PCBP4: variants seen among roughly 807,000 people sequenced by gnomAD.
PCBP4 encodes the protein poly(rC) binding protein 4, also known as poly(rC)-binding protein 4.
Under a neutral mutation model 46.2 loss-of-function variants are expected in PCBP4, and 24 were observed. That is an observed-to-expected ratio of 0.52 (90% CI 0.38 to 0.73). PCBP4 has a LOEUF of 0.73. Among genes scored for constraint, PCBP4 ranks in the 30% least tolerant of loss-of-function variants. PCBP4 has a pLI of 0.00. For missense variants in PCBP4, 407 were observed against 537.0 expected, an observed-to-expected ratio of 0.76 and a Z score of 2.39; for synonymous variants, 203 against 224.4, an observed-to-expected ratio of 0.90 and a Z score of 0.85.
Position 51,957,962 on chromosome 3 carries a change from C to G in PCBP4, c.*99G>C. On this transcript the variant is annotated 3_prime_UTR_variant, in exon 14 of 14. Transcript: ENST00000461554. ...CATCCATGCGTCTGGGCGTTAGCGG[C>G]GTTTGGGACCCCAGGGTGGAGTCTC... 8.7e-7 allele frequency: 1 copy of G among 1,147,124 alleles called. No individual in the cohort carries two copies. The highest frequency in any genetic ancestry group is 1.2e-6 in the Non-Finnish European group (1 of 814,406). The allele number at this position is 1,147,124 out of a possible 1,614,324, so 71.1% of individuals were successfully genotyped here.
Position 51,960,965 on chromosome 3 carries a change from A to G in PCBP4, c.105+45T>C. 6.2e-7 allele frequency: 1 copy of G among 1,614,176 alleles called. No homozygotes were observed. Among genetic ancestry groups the G allele is most frequent in the Non-Finnish European group, 8.5e-7 (1 of 1,179,974 alleles). On this transcript the variant is annotated intron_variant, in intron 4 of 13. Coordinates refer to ENST00000461554, the MANE Select transcript of PCBP4 (RefSeq NM_001174100.2). The surrounding 1 kb of genome is among the most constrained non-coding windows in gnomAD (Gnocchi z 5.0). ...GTCACAGCCTCCTTCCCTGGGCTGA[A>G]GCCTCAGCTGGAGGGGGATGTACAG...
In PCBP4 at chr3:51,960,013, G is replaced by A. The variant is rs1451645168; in HGVS notation, c.398C>T (p.Ala133Val). 1.9e-6 allele frequency: 3 copies of A among 1,614,226 alleles called. No individual in the cohort carries two copies. In the South Asian group the frequency reaches 3.3e-5, roughly 18 times the overall value. The change falls in exon 8 of 14, where the codon GCC becomes GTC. Residue 133 changes from alanine to valine, a missense_variant. Transcript: ENST00000461554. The surrounding 1 kb of genome is among the most constrained non-coding windows in gnomAD (Gnocchi z 5.0). ...CAGGTCCCCTGCCACCTGTACCTGG[G>A]CACCCGTAGTCTGCAAACAGAGAAC... ...KIKEIRETTG[A>V]QVQVAGDLLP...
In PCBP4 at chr3:51,959,902, A is replaced by G. The variant is rs1440453805; in HGVS notation, c.509T>C (p.Ile170Thr). Residue 170 changes from isoleucine (I) to threonine (T), a missense_variant, in exon 8 of 14, where the codon ATC (isoleucine) becomes ACC (threonine). Physicochemically the swap from Ile to Thr is moderately conservative, Grantham distance 89. Transcript: ENST00000461554. This position sits in a 1 kb window ranked among gnomAD's most constrained non-coding sequence, Gnocchi z 5.6. ...ILCVRQICAV[I>T]LESPPKGATI... ...CCTGCCCCAGGGCAGCACCTCCAGGATAACAGCGCAGATCTGGCGCACACA... is the reference window on the plus strand; with the variant it reads ...CCTGCCCCAGGGCAGCACCTCCAGGGTAACAGCGCAGATCTGGCGCACACA... The G allele has an allele frequency of 1.3e-6, 2 of 1,588,014 alleles. No individual in the cohort carries two copies. Among genetic ancestry groups the G allele is most frequent in the South Asian group, 2.3e-5 (2 of 86,716 alleles).
Position 51,958,873 on chromosome 3 carries a change from T to C in PCBP4, c.840A>G (p.Gln280=). 6.2e-7 allele frequency: 1 copy of C among 1,613,950 alleles called. No individual in the cohort carries two copies. The highest frequency in any genetic ancestry group is 8.5e-7 in the Non-Finnish European group (1 of 1,179,946). ...CATGCCGCTCCCCAGCGCCCTCTGC[T>C]TGGTTCCCGATCTTGATATGTGCCC... ...MSGAHIKIGN[Q]AEGAGERHVT... is the part of the protein sequence containing the mutation. The change falls in exon 13 of 14, where the codon CAA becomes CAG. Residue 280 remains glutamine, a synonymous_variant. Transcript: ENST00000461554. The surrounding 1 kb of genome is among the most constrained non-coding windows in gnomAD (Gnocchi z 5.4).
intron 2 of PCBP4, chr3:51,961,737 CT>C: frequency 2.0e-6 from 2 of 993,568 alleles, no homozygotes; most frequent in South Asian, 4.5e-5. Flanking sequence ...GGAGTTCAGG[CT>C]GAAAGCTTAC....
intron 1 of PCBP4, among the ~76,000 whole-genome samples, chr3:51,962,513 G>A (rs1414008028): frequency 2.0e-5 from 3 of 152,224 alleles, no homozygotes; most frequent in African/African-American, 7.2e-5. Context: ...CTGGTGCTAA[G>A]TCTGGGCCAA....
Position 51,959,015 on chromosome 3 carries a change from C to T in PCBP4, c.753+32G>A, listed in dbSNP as rs1275736150. On this transcript the variant is annotated intron_variant, in intron 12 of 13. Coordinates refer to ENST00000461554, the MANE Select transcript of PCBP4 (RefSeq NM_001174100.2). This position sits in a 1 kb window ranked among gnomAD's most constrained non-coding sequence, Gnocchi z 5.6. ...GAGGTCCAGACCCCCAGACCCCCTA[C>T]CCACCCTCCAGCCATCCCATCCCCT... The T allele has an allele frequency of 6.2e-7, 1 of 1,612,988 alleles. No homozygotes were observed. The highest frequency in any genetic ancestry group is 1.3e-5 in the African/African-American group (1 of 74,884).
chr3:51,959,371 G>T lies in PCBP4; in HGVS notation c.632C>A (p.Ala211Asp). 1 of 1,613,054 alleles carries T rather than the reference G, an allele frequency of 6.2e-7. No homozygotes were observed. Among genetic ancestry groups the T allele is most frequent in the Non-Finnish European group, 8.5e-7 (1 of 1,179,418 alleles). Reference sequence around the variant, plus strand: ...CTTGGGCTATGGGTCACTCACCTCAGCTGGGGTCACAGCCCCATACTGACC... The same window carrying T: ...CTTGGGCTATGGGTCACTCACCTCATCTGGGGTCACAGCCCCATACTGACC... ...VQGQYGAVTP[A>D]EVTKLQQLSS... The change falls in exon 10 of 14, where the codon GCT (alanine) becomes GAT (aspartate). Residue 211 changes from alanine (A) to aspartate (D), a missense_variant. Coordinates refer to ENST00000461554, the MANE Select transcript of PCBP4 (RefSeq NM_001174100.2). This position sits in a 1 kb window ranked among gnomAD's most constrained non-coding sequence, Gnocchi z 5.6.
At position 51,958,425 on chromosome 3, in the gene PCBP4, A is replaced by G. The variant is rs1278775195; in HGVS notation, c.924-76T>C. 1.0e-6 allele frequency: 1 copy of G among 977,662 alleles called. No homozygotes were observed. Among genetic ancestry groups the G allele is most frequent in the Non-Finnish European group, 1.5e-6 (1 of 689,340 alleles). 60.6% of individuals were successfully genotyped at this position (977,662 alleles called of 1,614,324 possible). A position where few individuals can be genotyped will look rare whatever the true frequency, so the allele number is the denominator to read the frequency against. On this transcript the variant is annotated intron_variant, in intron 13 of 13. Transcript: ENST00000461554. The surrounding 1 kb of genome is among the most constrained non-coding windows in gnomAD (Gnocchi z 5.4). Reference sequence around the variant, plus strand: ...AGGGGCAATGAGGGCAGAGATGGGCATGAGATTAGATGAAAGGCAAGAGAG... The same window carrying G: ...AGGGGCAATGAGGGCAGAGATGGGCGTGAGATTAGATGAAAGGCAAGAGAG...
chr3:51,959,254 G>A lies in PCBP4; in HGVS notation c.675C>T (p.Pro225=), dbSNP rs377645595. The change falls in exon 11 of 14, where the codon CCC becomes CCT. Residue 225 remains proline (P), a synonymous_variant. Transcript: ENST00000461554. This position sits in a 1 kb window ranked among gnomAD's most constrained non-coding sequence, Gnocchi z 5.6. ...KLQQLSSHAV[P]FATPSVVPGL... ...CTGGCACCACGCTGGGTGTGGCAAAGGGGACCGCATGGCTTGAGAGCTGCT... is the reference window on the plus strand; with the variant it reads ...CTGGCACCACGCTGGGTGTGGCAAAAGGGACCGCATGGCTTGAGAGCTGCT... 3.7e-6 allele frequency: 6 copies of A among 1,613,890 alleles called. No homozygotes were observed. The African/African-American group carries it at 6.7e-5, about 18-fold the overall frequency.
intron 2 of PCBP4, chr3:51,961,636 T>G: frequency 1.1e-5 from 5 of 440,604 alleles, no homozygotes; most frequent in Non-Finnish European, 1.6e-5. Context: ...CTAAAAGAAA[T>G]AATTAACTAG....
Position 51,959,215 on chromosome 3 carries a change from C to G in PCBP4, c.700+14G>C, listed in dbSNP as rs151276928. On this transcript the variant is annotated intron_variant, in intron 11 of 13. Coordinates refer to ENST00000461554, the MANE Select transcript of PCBP4 (RefSeq NM_001174100.2). This position sits in a 1 kb window ranked among gnomAD's most constrained non-coding sequence, Gnocchi z 5.6. ...AGGACCCTCCCCCTGCCTCCTTGTGCAGGGGTGGCTTACCTGGCACCACGC... is the reference window on the plus strand; with the variant it reads ...AGGACCCTCCCCCTGCCTCCTTGTGGAGGGGTGGCTTACCTGGCACCACGC... The G allele has an allele frequency of 0.011, 18,272 of 1,613,824 alleles. 122 individuals are homozygous for G. Among genetic ancestry groups the G allele is most frequent in the Non-Finnish European group, 0.014 (16,119 of 1,179,852 alleles).
intron 1 of PCBP4, among the ~76,000 whole-genome samples, chr3:51,964,254 C>T (rs575372619): frequency 1.3e-5 from 2 of 152,206 alleles, no homozygotes; most frequent in African/African-American, 2.4e-5. Flanking sequence ...GCCCCTCCCC[C>T]CCAGCTGTCT....
chr3:51,960,237 A>G lies in PCBP4; in HGVS notation c.339T>C (p.Cys113=). 1 of 1,614,136 alleles carries G rather than the reference A, an allele frequency of 6.2e-7. No individual in the cohort carries two copies. Among genetic ancestry groups the G allele is most frequent in the Non-Finnish European group, 8.5e-7 (1 of 1,180,010 alleles). Residue 113 remains cysteine, a synonymous_variant, in exon 7 of 14, where the codon TGT becomes TGC. Transcript: ENST00000461554. This position sits in a 1 kb window ranked among gnomAD's most constrained non-coding sequence, Gnocchi z 5.0. The part of the protein sequence containing the change: ...TLRLVIPASQ[C]GSLIGKAGTK... ...TGCCAGCCTTCCCAATCAGTGAGCC[A>G]CACTGACTGGCAGGGATGACAAGGC...
chr3:51,959,292 C>T lies in PCBP4; in HGVS notation c.637G>A (p.Val213Ile). 1.2e-6 allele frequency: 2 copies of T among 1,613,966 alleles called. No individual in the cohort carries two copies. Among genetic ancestry groups the T allele is most frequent in the Non-Finnish European group, 1.7e-6 (2 of 1,179,982 alleles). ...GQYGAVTPAE[V>I]TKLQQLSSHA... is the part of the protein sequence containing the mutation. ...CTTGAGAGCTGCTGGAGCTTGGTGA[C>T]CTGTGCCAAAGAGGGGTCAGAGGTC... is the stretch of plus-strand genomic sequence containing the variant. The change falls in exon 11 of 14, where the codon GTC (valine) becomes ATC (isoleucine). Residue 213 changes from valine (V) to isoleucine (I), a missense_variant and splice_region_variant. Physicochemically the swap from Val to Ile is conservative, Grantham distance 29. Coordinates refer to ENST00000461554, the MANE Select transcript of PCBP4 (RefSeq NM_001174100.2). This position sits in a 1 kb window ranked among gnomAD's most constrained non-coding sequence, Gnocchi z 5.6.
rs1396983816 is a variant in PCBP4, at chr3:51,959,069, T to C, written c.731A>G (p.Gln244Arg). 6.2e-7 allele frequency: 1 copy of C among 1,613,852 alleles called. No homozygotes were observed. The highest frequency in any genetic ancestry group is 8.5e-7 in the Non-Finnish European group (1 of 1,179,934). Residue 244 changes from glutamine to arginine, a missense_variant, in exon 12 of 14, where the codon CAG becomes CGG. Transcript: ENST00000461554. The surrounding 1 kb of genome is among the most constrained non-coding windows in gnomAD (Gnocchi z 5.6). ...GLDPGTQTSS[Q>R]EFLVPNDLIG... ...CACATCGTTGGGAACCAAGAACTCC[T>C]GTGAGCTGGTCTGTGTGCCGGGATC...
In PCBP4 at chr3:51,960,458, A is replaced by G; in HGVS notation, c.255+68T>C. ...ACCTCCCCTCCCACCCATAGCCACT[A>G]TCTGGAGTCAGAGTTGGGTTCCTCC... On this transcript the variant is annotated intron_variant, in intron 6 of 13. Coordinates refer to ENST00000461554, the MANE Select transcript of PCBP4 (RefSeq NM_001174100.2). This position sits in a 1 kb window ranked among gnomAD's most constrained non-coding sequence, Gnocchi z 5.0. 2 of 1,549,018 alleles carry G rather than the reference A, an allele frequency of 1.3e-6. No individual in the cohort carries two copies. The highest frequency in any genetic ancestry group is 1.7e-5 in the Admixed American group (1 of 59,870).
In PCBP4 at chr3:51,958,246, G is replaced by C; in HGVS notation, c.1027C>G (p.Pro343Ala). ...GCATAGGGTGTGCCCAGCAGGCCAG[G>C]GGGAGCTGTGGGCAGGGCCGTCAGG... ...PPLTALPTAPPGLLGTPYAIS... is the reference protein window; with the variant it reads ...PPLTALPTAPAGLLGTPYAIS... Residue 343 changes from proline (P) to alanine (A), a missense_variant, in exon 14 of 14, where the codon CCT becomes GCT. Physicochemically the swap from Pro to Ala is conservative, Grantham distance 27. Transcript: ENST00000461554. The surrounding 1 kb of genome is among the most constrained non-coding windows in gnomAD (Gnocchi z 5.4). The C allele has an allele frequency of 2.5e-6, 4 of 1,602,688 alleles. No individual in the cohort carries two copies. Among genetic ancestry groups the C allele is most frequent in the Non-Finnish European group, 3.4e-6 (4 of 1,175,082 alleles).
In PCBP4 at chr3:51,960,696, C is replaced by T. The variant is rs775505609; in HGVS notation, c.139-54G>A. The T allele has an allele frequency of 1.1e-5, 17 of 1,521,838 alleles. No homozygotes were observed. The highest frequency in any genetic ancestry group is 9.0e-5 in the East Asian group (4 of 44,426). 94.3% of individuals were successfully genotyped at this position (1,521,838 alleles called of 1,614,324 possible). A position where few individuals can be genotyped will look rare whatever the true frequency, so the allele number is the denominator to read the frequency against. ...CGGGGCATCTTCCCTGCTCCCTTGC[C>T]GGAACTTGTCTGCCTGCCCCACTCA... is the stretch of plus-strand genomic sequence containing the variant. On this transcript the variant is annotated intron_variant, in intron 5 of 13. Coordinates refer to ENST00000461554, the MANE Select transcript of PCBP4 (RefSeq NM_001174100.2). This position sits in a 1 kb window ranked among gnomAD's most constrained non-coding sequence, Gnocchi z 5.0.
Sources: gnomAD v4.1 joint callset for allele counts (sites outside exome capture counted in the v4.1 genomes callset) on GRCh38, gnomAD v4.1.1 for gene constraint, Gnocchi (gnomAD v3.1) non-coding constraint, MANE v1.5 for transcripts, NCBI Gene and HGNC (gene_info 2026-07-23, HGNC 2026-07-21) for gene names.